Variants in SKIC3 observed in about 807,000 individuals in gnomAD.
SKIC3 encodes SKI3 subunit of superkiller complex, also known as superkiller complex protein 3.
chr5:95,491,653 A>T, the SKIC3 span, among the ~76,000 whole-genome samples: 1 of 152,242 alleles, frequency 6.6e-6, no homozygotes, highest in Non-Finnish European at 1.5e-5. Flanking sequence ...GTGAGTTGGA[A>T]GGGAACTTTT....
At chr5:95,506,782 T>C in the SKIC3 span, 46 of 776,626 alleles carry the variant, frequency 5.9e-5, 1 homozygote, top group East Asian at 8.6e-4. Flanking sequence ...ATTATAGGTA[T>C]AGGAAACTGT....
At chr5:95,540,539 T>C in the SKIC3 span, 1 of 936,056 alleles carries the variant, frequency 1.1e-6, no homozygotes, top group Non-Finnish European at 1.6e-6. Context: ...CCAAAGAAAA[T>C]ATACAGGTGC....
chr5:95,467,738 A>G, the SKIC3 span: 1 of 1,346,820 alleles, frequency 7.4e-7, no homozygotes, highest in Non-Finnish European at 1.0e-6. Context: ...TTACACACTC[A>G]GTTTTTAAAA....
the SKIC3 span, among the ~76,000 whole-genome samples, chr5:95,503,444 A>G: frequency 2.0e-4 from 30 of 152,376 alleles, 1 homozygote; most frequent in Middle Eastern, 3.4e-3. Context: ...TGGAGAAATC[A>G]AAATCTATTA....
the SKIC3 span, among the ~76,000 whole-genome samples, chr5:95,500,057 C>T: frequency 6.6e-6 from 1 of 151,664 alleles, no homozygotes; most frequent in African/African-American, 2.4e-5. Flanking sequence ...ATTTTATGGG[C>T]AAATAATGAA....
At chr5:95,511,489 C>A in the SKIC3 span, among the ~76,000 whole-genome samples, 2 of 152,206 alleles carry the variant, frequency 1.3e-5, no homozygotes, top group South Asian at 4.2e-4. Flanking sequence ...CTAAGGCAAA[C>A]CCCCCCAAGT....
chr5:95,504,412 C>T, the SKIC3 span, among the ~76,000 whole-genome samples: 7 of 151,796 alleles, frequency 4.6e-5, no homozygotes, highest in Admixed American at 2.6e-4. Context: ...TACTAAATTA[C>T]GAAGTGTCTC....
At chr5:95,480,056 AAAC>A in the SKIC3 span, among the ~76,000 whole-genome samples, 1 of 152,170 alleles carries the variant, frequency 6.6e-6, no homozygotes, top group African/African-American at 2.4e-5. Context: ...GGGTAAAAAT[AAAC>A]CTTAACTCCT....
the SKIC3 span, among the ~76,000 whole-genome samples, chr5:95,475,240 C>T: frequency 6.6e-6 from 1 of 152,136 alleles, no homozygotes; most frequent in African/African-American, 2.4e-5. Flanking sequence ...GGTGATATGG[C>T]TTGGAGCTGT....
chr5:95,501,996 C>T, the SKIC3 span, among the ~76,000 whole-genome samples: 1 of 152,102 alleles, frequency 6.6e-6, no homozygotes, highest in Admixed American at 6.5e-5. Flanking sequence ...ATTTATTAGA[C>T]AAGGAAATGA....
chr5:95,496,563 C>T, the SKIC3 span, among the ~76,000 whole-genome samples: 2 of 152,120 alleles, frequency 1.3e-5, no homozygotes, highest in Non-Finnish European at 2.9e-5. Context: ...CTTTGTATAA[C>T]GTAGTCCCAG....
At chr5:95,529,323 A>G in the SKIC3 span, 2 of 586,726 alleles carry the variant, frequency 3.4e-6, no homozygotes, top group African/African-American at 3.7e-5. Context: ...CCAAATCACT[A>G]CAAGTGCTTG....
the SKIC3 span, chr5:95,513,594 G>A: frequency 6.2e-7 from 1 of 1,613,808 alleles, no homozygotes; most frequent in Non-Finnish European, 8.5e-7. Context: ...TCTGTAGTGT[G>A]CCTGAAGAGA....
the SKIC3 span, chr5:95,498,575 G>T: frequency 6.2e-7 from 1 of 1,613,716 alleles, no homozygotes; most frequent in Non-Finnish European, 8.5e-7. Context: ...TCTGTGGTTG[G>T]TTCCTTTAAG....
chr5:95,512,575 A>G, the SKIC3 span: 1 of 1,613,908 alleles, frequency 6.2e-7, no homozygotes, highest in Non-Finnish European at 8.5e-7. Flanking sequence ...TTTATCTTGC[A>G]ATGTTGTGCA....
the SKIC3 span, among the ~76,000 whole-genome samples, chr5:95,550,381 A>T: frequency 6.6e-6 from 1 of 151,884 alleles, no homozygotes; most frequent in Non-Finnish European, 1.5e-5. Flanking sequence ...TGATAATGAC[A>T]ACGGAAGCTA....
the SKIC3 span, chr5:95,541,666 A>G: frequency 1.2e-5 from 8 of 678,468 alleles, no homozygotes; most frequent in Non-Finnish European, 1.7e-5. Context: ...ATTCTATTTT[A>G]ATCACAAAAG....
At chr5:95,516,613 T>C in the SKIC3 span, 1 of 1,613,280 alleles carries the variant, frequency 6.2e-7, no homozygotes. Flanking sequence ...CTGATGAAAC[T>C]GAACTTTGTT....
chr5:95,480,192 T>G, the SKIC3 span, among the ~76,000 whole-genome samples: 1 of 152,010 alleles, frequency 6.6e-6, no homozygotes, highest in Non-Finnish European at 1.5e-5. Flanking sequence ...CAAAAAGTTC[T>G]TAAATAGAAT....
Sources: allele counts gnomAD v4.1 joint callset (sites outside exome capture counted in the v4.1 genomes callset), GRCh38; gene constraint gnomAD v4.1.1; transcripts MANE v1.5; gene names NCBI Gene and HGNC (gene_info 2026-07-23, HGNC 2026-07-21).